The following ASCC3 variants were observed in gnomAD, a reference collection of about 807,000 sequenced individuals.
The protein encoded by ASCC3 is activating signal cointegrator 1 complex subunit 3, also known as ASC-1 complex subunit P200.
A neutral mutation model predicts 256.3 loss-of-function variants in ASCC3; 158 were observed. The observed-to-expected ratio is 0.62, with a 90% CI of 0.54 to 0.70. The LOEUF (loss-of-function observed/expected upper bound fraction) is 0.70, where lower values mean the gene tolerates loss of function less well. Among genes scored for constraint, ASCC3 ranks in the 30% least tolerant of loss-of-function variants. ASCC3 has a pLI of 0.00. For synonymous variants in ASCC3, 948 were observed against 883.4 expected (o/e 1.07, Z -1.30); for missense variants, 2,259 against 2,626.0 (o/e 0.86, Z 3.05).
intron 38 of ASCC3, among the ~76,000 whole-genome samples, chr6:100,517,131 C>T (rs750324392): frequency 2.0e-5 from 3 of 151,996 alleles, no homozygotes; most frequent in Non-Finnish European, 4.4e-5. Flanking sequence ...TGGTAAGAAC[C>T]CAAGTACTAT....
At chr6:100,618,677 A>T (rs931040987) in intron 30 of ASCC3, among the ~76,000 whole-genome samples, 10 of 152,180 alleles carry the variant, frequency 6.6e-5, no homozygotes, top group African/African-American at 2.2e-4. Flanking sequence ...GGCCCATAAT[A>T]AAGTATCTTA....
intron 14 of ASCC3, among the ~76,000 whole-genome samples, chr6:100,663,491 T>C (rs1009373491): frequency 2.6e-5 from 4 of 152,070 alleles, no homozygotes; most frequent in East Asian, 1.9e-4. Flanking sequence ...GGTTATCAGA[T>C]TGACTGTTTA....
chr6:100,852,694 T>C (rs180937816), intron 3 of ASCC3, among the ~76,000 whole-genome samples: 10 of 151,980 alleles, frequency 6.6e-5, no homozygotes, highest in African/African-American at 2.4e-4. Context: ...TGACGAAAAG[T>C]TTATATAAGA....
chr6:100,762,102 A>G (rs562796154), intron 10 of ASCC3, among the ~76,000 whole-genome samples: 19 of 152,284 alleles, frequency 1.2e-4, no homozygotes, highest in Non-Finnish European at 1.8e-4. Flanking sequence ...TAATACAAAG[A>G]AAATTCAGAT....
chr6:100,670,239 T>G (rs867801158), intron 14 of ASCC3, among the ~76,000 whole-genome samples: 1 of 151,450 alleles, frequency 6.6e-6, no homozygotes, highest in Non-Finnish European at 1.5e-5. Flanking sequence ...TGTTATAAAC[T>G]TAAAAACGTT....
chr6:100,676,750 GCA>G (rs972039297), intron 14 of ASCC3, among the ~76,000 whole-genome samples: 195 of 115,316 alleles, frequency 1.7e-3, no homozygotes, highest in African/African-American at 5.8e-3. Flanking sequence ...GCGCGTGCGC[GCA>G]CACACACACT....
chr6:100,545,875 C>T (rs907829195), intron 36 of ASCC3, among the ~76,000 whole-genome samples: 10 of 152,162 alleles, frequency 6.6e-5, no homozygotes, highest in African/African-American at 2.4e-4. Context: ...ACCACCATGC[C>T]TGGTCTGCTC....
chr6:100,723,950 A>G (rs1167186898), intron 11 of ASCC3, among the ~76,000 whole-genome samples: 7 of 145,116 alleles, frequency 4.8e-5, no homozygotes, highest in Non-Finnish European at 1.1e-4. Context: ...ACACACACAC[A>G]TGCATATACA....
chr6:100,790,187 T>C (rs1582868329), intron 8 of ASCC3, among the ~76,000 whole-genome samples: 1 of 152,004 alleles, frequency 6.6e-6, no homozygotes, highest in African/African-American at 2.4e-5. Flanking sequence ...AAAACCACTA[T>C]ACATTTTCTG....
chr6:100,848,100 TTAGGA>T (rs758367992), intron 4 of ASCC3, 43 bp downstream of exon 4: 21 of 1,490,958 alleles, frequency 1.4e-5, no homozygotes, highest in Non-Finnish European at 1.8e-5. Flanking sequence ...CACTATTTCA[TTAGGA>T]TAGTTCACAT....
At chr6:100,705,254 C>T (rs1322943413) in intron 13 of ASCC3, among the ~76,000 whole-genome samples, 1 of 152,022 alleles carries the variant, frequency 6.6e-6, no homozygotes, top group Non-Finnish European at 1.5e-5. Flanking sequence ...GTTTTTAACA[C>T]TTTTAAGGCA....
At chr6:100,825,334 T>C (rs1255352317) in intron 4 of ASCC3, among the ~76,000 whole-genome samples, 4 of 151,782 alleles carry the variant, frequency 2.6e-5, no homozygotes, top group African/African-American at 9.7e-5. Context: ...AGTAATATTC[T>C]AGGGATGCTA....
rs1042146601 is a variant in ASCC3, at chr6:100,605,579, T to C, written c.5166A>G (p.Pro1722=). 3 of 1,507,896 alleles carry C rather than the reference T, an allele frequency of 2.0e-6. No homozygotes were observed. In the African/African-American group the frequency reaches 4.1e-5, roughly 21 times the overall value. 93.4% of individuals were successfully genotyped at this position (1,507,896 alleles called of 1,614,324 possible). A position where few individuals can be genotyped will look rare whatever the true frequency, so the allele number is the denominator to read the frequency against. The stretch of plus-strand genomic sequence containing the variant: ...TAAATAAGATTTACCTTGATTCTAC[T>C]GGGAAAGGTTCATAAAGAAATTTTT... ...FYKKFLYEPF[P]VESSLLGVLS... is the part of the protein sequence containing the mutation. The change falls in exon 33 of 42, where the codon CCA becomes CCG. Residue 1722 remains proline, a synonymous_variant. Transcript: ENST00000369162.
At chr6:100,610,336 TG>T (rs1237361421) in intron 30 of ASCC3, among the ~76,000 whole-genome samples, 1 of 152,178 alleles carries the variant, frequency 6.6e-6, no homozygotes, top group African/African-American at 2.4e-5. Flanking sequence ...AAACTATTGC[TG>T]CTGCTGCAGT....
chr6:100,848,092 C>T, intron 4 of ASCC3, 56 bp downstream of exon 4: 1 of 1,470,630 alleles, frequency 6.8e-7, no homozygotes, highest in African/African-American at 1.4e-5. Context: ...TTAAAAAACA[C>T]TATTTCATTA....
chr6:100,559,314 C>G (rs1330291791), intron 36 of ASCC3, among the ~76,000 whole-genome samples: 1 of 152,094 alleles, frequency 6.6e-6, no homozygotes, highest in African/African-American at 2.4e-5. Flanking sequence ...ACTCACTTGA[C>G]TTGGCTTCAA....
chr6:100,828,128 G>GA (rs1299071864), intron 4 of ASCC3, among the ~76,000 whole-genome samples: 1 of 134,430 alleles, frequency 7.4e-6, no homozygotes, highest in East Asian at 2.1e-4. Flanking sequence ...GCTTAACACT[G>GA]AAAAAACAAT....
At chr6:100,576,470 A>G (rs1453889681) in intron 36 of ASCC3, among the ~76,000 whole-genome samples, 2 of 152,050 alleles carry the variant, frequency 1.3e-5, no homozygotes, top group Non-Finnish European at 2.9e-5. Flanking sequence ...ATGAAATAAT[A>G]GGATAAAGAT....
At chr6:100,657,516 G>A (rs996972094) in intron 16 of ASCC3, among the ~76,000 whole-genome samples, 9 of 151,386 alleles carry the variant, frequency 5.9e-5, no homozygotes, top group Admixed American at 2.0e-4. Flanking sequence ...ATAGACATAT[G>A]ACCTATATTC....
Sources: gnomAD v4.1 joint callset for allele counts (sites outside exome capture counted in the v4.1 genomes callset) on GRCh38, gnomAD v4.1.1 for gene constraint, MANE v1.5 for transcripts, NCBI Gene and HGNC (gene_info 2026-07-23, HGNC 2026-07-21) for gene names.